The following LATS2 variants were observed in gnomAD, a reference collection of about 807,000 sequenced individuals.
LATS2 encodes large tumor suppressor kinase 2.
Under a neutral mutation model 76.0 loss-of-function variants are expected in LATS2, and 24 were observed. The observed-to-expected ratio is 0.32, with a 90% CI of 0.23 to 0.44. LATS2 has a LOEUF of 0.44. Ranked by LOEUF, LATS2 falls within the 20% of genes least tolerant of loss-of-function variation. The pLI, the probability that LATS2 is intolerant of heterozygous loss-of-function variation, is 1.00. For synonymous variants in LATS2, 692 were observed against 635.4 expected (o/e 1.09, Z -1.34); for missense variants, 1,286 against 1,481.2 (o/e 0.87, Z 2.16).
intron 1 of LATS2, among the ~76,000 whole-genome samples, chr13:21,060,988 C>T (rs922048794): frequency 1.3e-4 from 19 of 150,814 alleles, no homozygotes; most frequent in Admixed American, 2.6e-4. Flanking sequence ...CGGCCCGCGC[C>T]GCCCCTGCCC....
chr13:21,041,914 C>T (rs187704490), intron 2 of LATS2, among the ~76,000 whole-genome samples: 4 of 152,270 alleles, frequency 2.6e-5, no homozygotes, highest in African/African-American at 7.2e-5. Context: ...CCACACCATG[C>T]AGATGTTCCC....
chr13:21,035,828 C>T (rs535184956), intron 2 of LATS2, among the ~76,000 whole-genome samples: 84 of 152,284 alleles, frequency 5.5e-4, no homozygotes, highest in African/African-American at 2.0e-3. Flanking sequence ...TCCTAGAGCC[C>T]ACCTAGGACC....
intron 4 of LATS2, 142 bp from the exon 5 acceptor site, chr13:20,983,948 T>C: frequency 1.5e-6 from 1 of 661,236 alleles, no homozygotes; most frequent in Admixed American, 2.9e-5. Context: ...GGGTCTCATA[T>C]ACTACAGAGT....
At chr13:21,006,078 G>A (rs9550692) in intron 2 of LATS2, among the ~76,000 whole-genome samples, 23,747 of 151,640 alleles carry the variant, frequency 0.16, 2,966 homozygotes, top group East Asian at 0.5. Context: ...CAGAGGTTGC[G>A]GTGGGCCAAT....
chr13:21,012,316 G>C (rs934588130), intron 2 of LATS2, among the ~76,000 whole-genome samples: 4 of 152,216 alleles, frequency 2.6e-5, no homozygotes, highest in Admixed American at 2.6e-4. Context: ...TCAAGGCCTA[G>C]GACATTACTG....
intron 2 of LATS2, among the ~76,000 whole-genome samples, chr13:20,998,226 T>C (rs976799385): frequency 3.9e-5 from 6 of 152,002 alleles, no homozygotes; most frequent in Non-Finnish European, 7.4e-5. Flanking sequence ...TGGTGGTGGG[T>C]GCCTGTAGTT....
At chr13:21,060,257 T>C (rs1873585897) in intron 1 of LATS2, among the ~76,000 whole-genome samples, 1 of 152,240 alleles carries the variant, frequency 6.6e-6, no homozygotes. Context: ...CCAGAAGTTC[T>C]GGAGTTGGGC....
At chr13:21,059,647 G>A (rs141609737) in intron 1 of LATS2, among the ~76,000 whole-genome samples, 122 of 150,382 alleles carry the variant, frequency 8.1e-4, no homozygotes, top group Admixed American at 4.4e-3. Context: ...CTAGAGAAGC[G>A]TGAAAATGTA....
At chr13:21,001,287 G>A (rs1256169303) in intron 2 of LATS2, among the ~76,000 whole-genome samples, 2 of 152,192 alleles carry the variant, frequency 1.3e-5, no homozygotes, top group Non-Finnish European at 2.9e-5. Flanking sequence ...ACATGGCATG[G>A]TTTCAGGGGT....
At chr13:21,017,166 C>T (rs1418155264) in intron 2 of LATS2, among the ~76,000 whole-genome samples, 1 of 152,132 alleles carries the variant, frequency 6.6e-6, no homozygotes, top group African/African-American at 2.4e-5. Context: ...GCAGCCAGCA[C>T]AGTGAAATAA....
In LATS2 at chr13:21,017,380, A is replaced by T. The variant is rs570551928; in HGVS notation, c.343-25976T>A. ...TGTAGAAATGGGGTCTTGCTATGTT[A>T]CCCAGGCTGGTCTCAAACTCCTGGC... On this transcript the variant is annotated intron_variant, in intron 2 of 7. Transcript: ENST00000382592. 3.9e-5 allele frequency among the ~76,000 whole-genome samples: 6 copies of T among 151,974 alleles called. No individual in the cohort carries two copies. The South Asian group carries it at 1.2e-3, about 31-fold the overall frequency.
chr13:20,973,532 G>GTA lies in LATS2; in HGVS notation c.*1337_*1338insTA. Reference sequence around the variant, plus strand: ...TTTATCTCTGTGTGTGTGTGTGTGTGTGTATACACGCACATACATCTATAC... The same window carrying GTA: ...TTTATCTCTGTGTGTGTGTGTGTGTGTATGTATACACGCACATACATCTATAC... On this transcript the variant is annotated 3_prime_UTR_variant, in exon 8 of 8. Transcript: ENST00000382592. The GTA allele has an allele frequency of 4.3e-6, 1 of 232,010 alleles. No homozygotes were observed. The highest frequency in any genetic ancestry group is 8.5e-6 in the Non-Finnish European group (1 of 117,104). The allele number at this position is 232,010 out of a possible 1,614,324, so 14.4% of individuals were successfully genotyped here.
intron 2 of LATS2, among the ~76,000 whole-genome samples, chr13:21,014,520 A>AT (rs149360336): frequency 0.023 from 3,429 of 152,266 alleles, 62 homozygotes; most frequent in Non-Finnish European, 0.033. Context: ...GCTAGATAAT[A>AT]TTTTTTTAGA....
At chr13:21,028,634 G>C (rs1357623564) in intron 2 of LATS2, among the ~76,000 whole-genome samples, 1 of 152,096 alleles carries the variant, frequency 6.6e-6, no homozygotes, top group Non-Finnish European at 1.5e-5. Flanking sequence ...GCAGTAGCGC[G>C]ATCTTGACTC....
chr13:20,980,704 T>C (rs1000341723), intron 6 of LATS2, among the ~76,000 whole-genome samples: 9 of 152,224 alleles, frequency 5.9e-5, no homozygotes, highest in African/African-American at 1.9e-4. Context: ...GTTATTGCTA[T>C]GTCTGTGGTC....
intron 1 of LATS2, among the ~76,000 whole-genome samples, chr13:21,056,133 G>A (rs958783996): frequency 6.6e-6 from 1 of 152,168 alleles, no homozygotes; most frequent in Non-Finnish European, 1.5e-5. Context: ...AGGTAGAATT[G>A]GGTCTTTTTT....
chr13:21,046,897 T>C (rs370385231), intron 1 of LATS2, among the ~76,000 whole-genome samples: 6 of 152,284 alleles, frequency 3.9e-5, no homozygotes, highest in African/African-American at 1.4e-4. Context: ...TTGACCTAAA[T>C]AGTAAAATTA....
intron 3 of LATS2, among the ~76,000 whole-genome samples, chr13:20,990,756 G>A (rs1397196183): frequency 6.6e-6 from 1 of 152,106 alleles, no homozygotes; most frequent in African/African-American, 2.4e-5. Context: ...AAAAAGCAGG[G>A]GTTTGGTGCG....
chr13:21,032,411 C>T (rs1872558518), intron 2 of LATS2, among the ~76,000 whole-genome samples: 1 of 152,052 alleles, frequency 6.6e-6, no homozygotes, highest in South Asian at 2.1e-4. Flanking sequence ...GGGATTATGG[C>T]GCCCACCACC....
Sources: allele counts gnomAD v4.1 joint callset (sites outside exome capture counted in the v4.1 genomes callset), GRCh38; gene constraint gnomAD v4.1.1; transcripts MANE v1.5; gene names NCBI Gene and HGNC (gene_info 2026-07-23, HGNC 2026-07-21).